The following SLC39A10 variants were observed in gnomAD, a reference collection of about 807,000 sequenced individuals.
SLC39A10 encodes zinc transporter ZIP10.
A neutral mutation model predicts 65.1 loss-of-function variants in SLC39A10; 13 were observed. That is an observed-to-expected ratio of 0.20 (90% CI 0.13 to 0.32). SLC39A10 has a LOEUF of 0.32. Ranked by LOEUF, SLC39A10 falls within the 10% of genes least tolerant of loss-of-function variation. The pLI, the probability that SLC39A10 is intolerant of heterozygous loss-of-function variation, is 1.00. For synonymous variants in SLC39A10, 321 were observed against 342.2 expected (o/e 0.94, Z 0.68); for missense variants, 831 against 1,018.4 (o/e 0.82, Z 2.50).
At position 195,737,225 on chromosome 2, in the gene SLC39A10, A is replaced by G. The variant is rs933177936; in HGVS notation, c.*2184A>G. 4 of 152,360 alleles carry G rather than the reference A, an allele frequency of 2.6e-5. No homozygotes were observed. The highest frequency in any genetic ancestry group is 9.7e-5 in the African/African-American group (4 of 41,204). The allele number at this position is 152,360 out of a possible 1,614,324, so 9.4% of individuals were successfully genotyped here. ...GTATAGTTTCAAGTCTTAATAGACA[A>G]TCTGAATTCCACTACATTTCTTTTG... On this transcript the variant is annotated 3_prime_UTR_variant, in exon 10 of 10. Transcript: ENST00000359634.
intron 2 of SLC39A10, among the ~76,000 whole-genome samples, chr2:195,682,245 A>G (rs1690353120): frequency 6.6e-6 from 1 of 152,198 alleles, no homozygotes; most frequent in East Asian, 1.9e-4. Context: ...ATATGTATAG[A>G]AAGTAGCACC....
chr2:195,657,895 A>G (rs528281759), intron 1 of SLC39A10, among the ~76,000 whole-genome samples: 13 of 152,008 alleles, frequency 8.6e-5, no homozygotes, highest in African/African-American at 3.1e-4. Flanking sequence ...TGCTCCTACT[A>G]GTTTTCTCCC....
chr2:195,735,072 A>C lies in SLC39A10; in HGVS notation c.*31A>C, dbSNP rs768255121. 3.1e-6 allele frequency: 5 copies of C among 1,595,354 alleles called. No individual in the cohort carries two copies. The African/African-American group carries it at 6.7e-5, about 21-fold the overall frequency. ...CCCAGTAATCACTGTTGATTACGAG[A>C]ATGTTACCATGCAGCTTTGCATCTG... On this transcript the variant is annotated 3_prime_UTR_variant, in exon 10 of 10. Coordinates refer to ENST00000359634, the MANE Select transcript of SLC39A10 (RefSeq NM_020342.3).
chr2:195,716,247 A>G (rs905238218), intron 6 of SLC39A10, among the ~76,000 whole-genome samples: 1 of 152,088 alleles, frequency 6.6e-6, no homozygotes, highest in Non-Finnish European at 1.5e-5. Context: ...GTCTAGAGGG[A>G]GTAATTTTTT....
chr2:195,657,516 T>A, intron 1 of SLC39A10: 2 of 985,412 alleles, frequency 2.0e-6, no homozygotes, highest in Non-Finnish European at 2.4e-6. Flanking sequence ...CGGCTCCTCG[T>A]GTGCGGTCTG....
chr2:195,678,401 GT>G (rs1419363767), intron 1 of SLC39A10, among the ~76,000 whole-genome samples: 1 of 152,100 alleles, frequency 6.6e-6, no homozygotes, highest in Admixed American at 6.5e-5. Flanking sequence ...CTTTTTAGGA[GT>G]TTGGCTGCTG....
At chr2:195,660,058 A>G (rs1026695501) in intron 1 of SLC39A10, among the ~76,000 whole-genome samples, 1 of 151,752 alleles carries the variant, frequency 6.6e-6, no homozygotes, top group Non-Finnish European at 1.5e-5. Flanking sequence ...GTGAGGGGGT[A>G]CATACTGCAC....
intron 2 of SLC39A10, among the ~76,000 whole-genome samples, chr2:195,616,594 C>T (rs879349332): frequency 2.0e-5 from 3 of 151,722 alleles, no homozygotes; most frequent in Admixed American, 6.6e-5. Context: ...CATGAGCCAC[C>T]GCGCCTGGCC....
chr2:195,622,279 T>C (rs1688364828), intron 2 of SLC39A10, among the ~76,000 whole-genome samples: 1 of 152,000 alleles, frequency 6.6e-6, no homozygotes, highest in South Asian at 2.1e-4. Context: ...GATGGGAGGA[T>C]GGCTTGAGCC....
rs1692306570 is a variant in SLC39A10 at position 195,728,009 on chromosome 2, G to GT, written c.2147-147dup. The GT allele has an allele frequency of 2.0e-5, 14 of 709,842 alleles. No individual in the cohort carries two copies. The highest frequency in any genetic ancestry group is 2.9e-5 in the Non-Finnish European group (13 of 451,954). 44.0% of individuals were successfully genotyped at this position (709,842 alleles called of 1,614,324 possible). A position where few individuals can be genotyped will look rare whatever the true frequency, so the allele number is the denominator to read the frequency against. ...CATCCAAGTTTTTGCATGCATTATGGTTTAATAAGTAAAATATTTTATATA... is the reference window on the plus strand; with the variant it reads ...CATCCAAGTTTTTGCATGCATTATGGTTTTAATAAGTAAAATATTTTATATA... On this transcript the variant is annotated intron_variant, in intron 8 of 9. Transcript: ENST00000359634. This position sits in a 1 kb window ranked among gnomAD's most constrained non-coding sequence, Gnocchi z 4.4.
intron 3 of SLC39A10, among the ~76,000 whole-genome samples, chr2:195,687,943 A>G (rs750173587): frequency 6.6e-6 from 1 of 152,170 alleles, no homozygotes; most frequent in Non-Finnish European, 1.5e-5. Flanking sequence ...CATCTTGCAC[A>G]TGCTTTGAAC....
At chr2:195,722,913 G>A (rs1267076757) in intron 8 of SLC39A10, among the ~76,000 whole-genome samples, 1 of 152,274 alleles carries the variant, frequency 6.6e-6, no homozygotes, top group East Asian at 1.9e-4. Context: ...CCAAGTTCTA[G>A]TGTTCCCTTT....
Position 195,617,929 on chromosome 2 carries a change from C to T in SLC39A10, c.-12+11696C>T, listed in dbSNP as rs539155170. ...TAATTTTTTGTATTTTTAGTAGAGA[C>T]GGGGTTTCACCATGTTAGCCAGGAT... On this transcript the variant is annotated intron_variant, in intron 2 of 2. Transcript: ENST00000458054. 1.2e-3 allele frequency among the ~76,000 whole-genome samples: 185 copies of T among 149,322 alleles called. 1 individual carries two copies. The highest frequency in any genetic ancestry group is 3.6e-3 in the African/African-American group (146 of 40,956).
intron 2 of SLC39A10, among the ~76,000 whole-genome samples, chr2:195,649,583 G>A (rs991292602): frequency 5.9e-5 from 9 of 152,144 alleles, no homozygotes; most frequent in Non-Finnish European, 1.2e-4. Context: ...TTTAACAAAT[G>A]AGCCTTTTTA....
At position 195,728,325 on chromosome 2, in the gene SLC39A10, C is replaced by T. The variant is rs989386583; in HGVS notation, c.2313C>T (p.Phe771=). ...TCTTTGCAGTCACTGCAGGCATGTT[C>T]CTCTATGTAGCCTTGGTGGATATGG... ...LWIFAVTAGM[F]LYVALVDMLP... Residue 771 remains phenylalanine (F), a synonymous_variant, in exon 9 of 10, where the codon TTC becomes TTT. Coordinates refer to ENST00000359634, the MANE Select transcript of SLC39A10 (RefSeq NM_020342.3). This position sits in a 1 kb window ranked among gnomAD's most constrained non-coding sequence, Gnocchi z 4.4. The T allele has an allele frequency of 6.2e-7, 1 of 1,613,732 alleles. No individual in the cohort carries two copies. Among genetic ancestry groups the T allele is most frequent in the Admixed American group, 1.7e-5 (1 of 60,012 alleles).
upstream of SLC39A10, among the ~76,000 whole-genome samples, chr2:195,654,781 T>C (rs928546758): frequency 6.6e-6 from 1 of 152,188 alleles, no homozygotes; most frequent in African/African-American, 2.4e-5. Flanking sequence ...AAAATGAAAT[T>C]CATATATTGT....
At chr2:195,645,867 A>G (rs1283979206) in intron 2 of SLC39A10, among the ~76,000 whole-genome samples, 4 of 152,236 alleles carry the variant, frequency 2.6e-5, no homozygotes, top group Non-Finnish European at 4.4e-5. Flanking sequence ...AGGTACTGAA[A>G]ATGAAGCTTA....
chr2:195,633,336 A>G (rs1688629634), intron 2 of SLC39A10, among the ~76,000 whole-genome samples: 1 of 152,250 alleles, frequency 6.6e-6, no homozygotes, highest in Admixed American at 6.5e-5. Context: ...AGGCTAGGCT[A>G]GTGTTTTCAG....
intron 9 of SLC39A10, among the ~76,000 whole-genome samples, chr2:195,729,723 G>A (rs968459073): frequency 6.6e-6 from 1 of 152,024 alleles, no homozygotes; most frequent in South Asian, 2.1e-4. Context: ...AAGAGGTGGG[G>A]GACCTCTCTT....
Sources: allele counts gnomAD v4.1 joint callset (sites outside exome capture counted in the v4.1 genomes callset), GRCh38; gene constraint gnomAD v4.1.1; non-coding constraint Gnocchi (gnomAD v3.1); transcripts MANE v1.5; gene names NCBI Gene and HGNC (gene_info 2026-07-23, HGNC 2026-07-21).